MAST4: variants seen among roughly 807,000 people sequenced by gnomAD.
MAST4 encodes microtubule associated serine/threonine kinase family member 4.
MAST4 carries 89 observed loss-of-function variants against 162.7 expected under a neutral mutation model. The observed-to-expected ratio is 0.55, with a 90% CI of 0.46 to 0.65. The LOEUF is 0.65. Ranked by LOEUF, MAST4 falls within the 30% of genes least tolerant of loss-of-function variation. The pLI is 0.00. For synonymous variants in MAST4, 1,479 were observed against 1,361.1 expected (o/e 1.09, Z -1.91); for missense variants, 3,153 against 3,374.0 (o/e 0.93, Z 1.62).
intron 4 of MAST4, among the ~76,000 whole-genome samples, chr5:66,937,246 A>G (rs896368562): frequency 3.3e-5 from 5 of 152,216 alleles, no homozygotes; most frequent in East Asian, 1.9e-4. Context: ...TCTAAACTTC[A>G]TAAGTACTCA....
At chr5:66,644,494 CTTAGT>C (rs764486892) in intron 1 of MAST4, among the ~76,000 whole-genome samples, 1 of 152,168 alleles carries the variant, frequency 6.6e-6, no homozygotes, top group Non-Finnish European at 1.5e-5. Context: ...TTTGGCTCAG[CTTAGT>C]TTAGAGATTG....
intron 4 of MAST4, among the ~76,000 whole-genome samples, chr5:67,019,600 C>T (rs1445583762): frequency 2.0e-5 from 3 of 152,180 alleles, no homozygotes; most frequent in African/African-American, 7.2e-5. Flanking sequence ...TCTTCCTTTC[C>T]CCTCTGTCTT....
intron 1 of MAST4, among the ~76,000 whole-genome samples, chr5:66,664,979 G>A (rs1458112593): frequency 1.3e-5 from 2 of 152,212 alleles, no homozygotes; most frequent in African/African-American, 4.8e-5. Flanking sequence ...GAGCTGAAGA[G>A]TTATGTGTAA....
chr5:67,060,483 T>TC (rs1380446722), intron 5 of MAST4, among the ~76,000 whole-genome samples: 2 of 147,860 alleles, frequency 1.4e-5, no homozygotes, highest in Non-Finnish European at 3.0e-5. Flanking sequence ...CAATTTTTTT[T>TC]TTTTTTTTTT....
At position 67,118,693 on chromosome 5, in the gene MAST4, T is replaced by G; in HGVS notation, c.1603T>G (p.Leu535Val). ...NKDPLEEMAH[L>V]GNYDSGTAET... ...TTTTTCCAACTTAGAAATGGCTCAT[T>G]TGGGAAACTACGATAGTGGGACAGC... The change falls in exon 13 of 29, where the codon TTG (leucine) becomes GTG (valine). Residue 535 changes from leucine (L) to valine (V), a missense_variant. Leu to Val is a conservative substitution (Grantham distance 32). Around this residue, in one of 7 missense-constraint regions of MAST4, gnomAD observed 360 missense variants for 450.0 expected, o/e 0.80. Coordinates refer to ENST00000403625, the MANE Select transcript of MAST4 (RefSeq NM_001164664.2). 1 of 1,572,062 alleles carries G rather than the reference T, an allele frequency of 6.4e-7. No individual in the cohort carries two copies. Among genetic ancestry groups the G allele is most frequent in the Non-Finnish European group, 8.7e-7 (1 of 1,155,042 alleles).
chr5:66,993,166 G>A (rs756470481), intron 4 of MAST4, among the ~76,000 whole-genome samples: 44 of 152,126 alleles, frequency 2.9e-4, no homozygotes, highest in African/African-American at 4.1e-4. Flanking sequence ...TACTCATTAC[G>A]AAGATTGTCA....
At chr5:66,784,817 T>C (rs1190272309) in intron 2 of MAST4, among the ~76,000 whole-genome samples, 1 of 152,174 alleles carries the variant, frequency 6.6e-6, no homozygotes, top group African/African-American at 2.4e-5. Flanking sequence ...TATTATCTCC[T>C]TTCATCTTAT....
At chr5:66,657,057 G>T (rs926371896) in intron 1 of MAST4, among the ~76,000 whole-genome samples, 1 of 152,126 alleles carries the variant, frequency 6.6e-6, no homozygotes, top group Non-Finnish European at 1.5e-5. Flanking sequence ...TATTCACCCT[G>T]TTTCTGAGAA....
intron 3 of MAST4, among the ~76,000 whole-genome samples, chr5:66,875,835 A>C (rs1336177429): frequency 1.3e-5 from 2 of 152,204 alleles, no homozygotes; most frequent in African/African-American, 2.4e-5. Flanking sequence ...GTCTTAGCTC[A>C]GTGTGGTCTC....
At chr5:66,898,613 C>G (rs1249509860) in intron 3 of MAST4, among the ~76,000 whole-genome samples, 1 of 152,064 alleles carries the variant, frequency 6.6e-6, no homozygotes, top group Non-Finnish European at 1.5e-5. Context: ...CAAAGCAAAG[C>G]AAAACAAAAC....
chr5:67,168,253 A>G lies in MAST4; in HGVS notation c.*1202A>G, dbSNP rs1184201181. The stretch of plus-strand genomic sequence containing the variant: ...TAGATGAAGCTTGCTGTTTTTAGCA[A>G]GTTCCTGGGTTTCACATTCATTTCT... On this transcript the variant is annotated 3_prime_UTR_variant, in exon 29 of 29. Coordinates refer to ENST00000403625, the MANE Select transcript of MAST4 (RefSeq NM_001164664.2). 1 of 152,072 alleles carries G rather than the reference A, an allele frequency of 6.6e-6. No individual in the cohort carries two copies. The allele number at this position is 152,072 out of a possible 1,614,324, so 9.4% of individuals were successfully genotyped here. A position where few individuals can be genotyped will look rare whatever the true frequency, so the allele number is the denominator to read the frequency against.
At chr5:67,139,220 T>A (rs963324965) in intron 19 of MAST4, among the ~76,000 whole-genome samples, 2 of 152,244 alleles carry the variant, frequency 1.3e-5, no homozygotes, top group African/African-American at 4.8e-5. Flanking sequence ...CTGCTTCCAA[T>A]GACAGCGTTT....
intron 1 of MAST4, among the ~76,000 whole-genome samples, chr5:66,636,795 T>C (rs1158961859): frequency 1.3e-5 from 2 of 152,206 alleles, no homozygotes; most frequent in African/African-American, 4.8e-5. Context: ...TGAAGGTGTG[T>C]CTGGAGAGGT....
Position 67,163,642 on chromosome 5 carries a change from G to A in MAST4, c.4463G>A (p.Ser1488Asn). ...EQSQREAPLQ[S>N]LDENVCDVPP... The stretch of plus-strand genomic sequence containing the variant: ...TCCCAGCGGGAGGCGCCGCTGCAGA[G>A]CCTGGATGAGAACGTGTGCGACGTG... Residue 1488 changes from serine (S) to asparagine (N), a missense_variant, in exon 29 of 29, where the codon AGC becomes AAC. Ser to Asn is a conservative substitution (Grantham distance 46, BLOSUM62 1). Coordinates refer to ENST00000403625, the MANE Select transcript of MAST4 (RefSeq NM_001164664.2). The surrounding 1 kb of genome is among the most constrained non-coding windows in gnomAD (Gnocchi z 7.0). 1 of 1,607,666 alleles carries A rather than the reference G, an allele frequency of 6.2e-7. No individual in the cohort carries two copies. Among genetic ancestry groups the A allele is most frequent in the Non-Finnish European group, 8.5e-7 (1 of 1,177,660 alleles).
intron 1 of MAST4, among the ~76,000 whole-genome samples, chr5:66,683,520 C>A (rs1748457502): frequency 6.6e-6 from 1 of 152,108 alleles, no homozygotes; most frequent in Non-Finnish European, 1.5e-5. Context: ...GCCTTCAAGG[C>A]CTTTTCAAGC....
chr5:66,827,404 T>C (rs544106836), intron 3 of MAST4, among the ~76,000 whole-genome samples: 1 of 152,336 alleles, frequency 6.6e-6, no homozygotes, highest in South Asian at 2.1e-4. Flanking sequence ...GACAGGCTCC[T>C]CTTTGTATGT....
chr5:66,909,660 T>A (rs2150008918), intron 4 of MAST4, among the ~76,000 whole-genome samples: 1 of 152,320 alleles, frequency 6.6e-6, no homozygotes, highest in East Asian at 1.9e-4. Context: ...CTTTACTTTT[T>A]GAGGTCAACA....
At chr5:67,128,693 C>G (rs1768553578) in intron 14 of MAST4, among the ~76,000 whole-genome samples, 2 of 152,080 alleles carry the variant, frequency 1.3e-5, no homozygotes, top group Admixed American at 1.3e-4. Context: ...GTGAATCACC[C>G]TGATATGTTG....
intron 3 of MAST4, among the ~76,000 whole-genome samples, chr5:66,850,982 C>T (rs1049036693): frequency 1.5e-5 from 2 of 129,958 alleles, no homozygotes; most frequent in Non-Finnish European, 3.2e-5. Flanking sequence ...AATGTGTTCT[C>T]TTATAATGGA....
Sources: allele counts gnomAD v4.1 joint callset (sites outside exome capture counted in the v4.1 genomes callset), GRCh38; gene constraint gnomAD v4.1.1; regional missense constraint gnomAD v4.1.1; non-coding constraint Gnocchi (gnomAD v3.1); transcripts MANE v1.5; gene names NCBI Gene and HGNC (gene_info 2026-07-23, HGNC 2026-07-21).